Variants in ATP8B3 observed in about 807,000 individuals in gnomAD.
ATP8B3 encodes ATPase phospholipid transporting 8B3, also known as phospholipid-transporting ATPase IK.
ATP8B3 carries 141 observed loss-of-function variants against 140.9 expected under a neutral mutation model. The ratio of observed to expected loss-of-function variants is 1.00; its 90% confidence interval spans 0.87 to 1.15. The LOEUF (loss-of-function observed/expected upper bound fraction) is 1.15, where lower values mean the gene tolerates loss of function less well. ATP8B3 is among the 50% of genes most tolerant of loss of function. ATP8B3 has a pLI of 0.00. For synonymous variants in ATP8B3, 765 were observed against 714.6 expected, an observed-to-expected ratio of 1.07 and a Z score of -1.13; for missense variants, 1,874 against 1,740.6, an observed-to-expected ratio of 1.08 and a Z score of -1.36.
At chr19:1,796,359 C>T (rs915497902) in intron 16 of ATP8B3, 94 bp from the exon 17 acceptor site, 1 of 1,217,330 alleles carries the variant, frequency 8.2e-7, no homozygotes, top group Non-Finnish European at 1.1e-6. Flanking sequence ...TGGGCTACAC[C>T]TTTATTGATG....
intron 20 of ATP8B3, among the ~76,000 whole-genome samples, chr19:1,791,393 T>G (rs8112790): frequency 0.072 from 10,768 of 149,908 alleles, 1,040 homozygotes; most frequent in African/African-American, 0.22. Flanking sequence ...TGCAGCATTT[T>G]TTTTTTTTTT....
chr19:1,790,907 CG>C (rs749913898), intron 20 of ATP8B3, 75 bp from the exon 21 acceptor site: 1 of 1,366,906 alleles, frequency 7.3e-7, no homozygotes. Context: ...CCACTCTGCC[CG>C]GTGAATCCTG....
intron 23 of ATP8B3, 81 bp from the exon 24 acceptor site, chr19:1,789,201 C>G: frequency 1.2e-6 from 1 of 810,364 alleles, no homozygotes; most frequent in African/African-American, 2.1e-5. Flanking sequence ...CTGTTCTGCC[C>G]CCTATCAGCC....
At position 1,800,208 on chromosome 19, in the gene ATP8B3, A is replaced by C. The variant is rs929038544; in HGVS notation, c.1343+51T>G. ...GCCCCGCCTGCTGTGTGCCATCCCC[A>C]TGCCTCCCCGTTCCGCGTTTGCACC... On this transcript the variant is annotated intron_variant, in intron 13 of 28. Transcript: ENST00000310127. The surrounding 1 kb of genome is among the most constrained non-coding windows in gnomAD (Gnocchi z 4.4). The C allele has an allele frequency of 3.1e-6, 5 of 1,595,036 alleles. No individual in the cohort carries two copies. The Admixed American group carries it at 8.7e-5, about 28-fold the overall frequency.
chr19:1,796,629 G>T (rs1043921140), intron 16 of ATP8B3, 82 bp downstream of exon 16: 2 of 1,499,644 alleles, frequency 1.3e-6, no homozygotes, highest in African/African-American at 1.4e-5. Flanking sequence ...TGGAAGATGG[G>T]CCGGGTGAGC....
At chr19:1,795,643 G>A (rs1410144723) in intron 18 of ATP8B3, among the ~76,000 whole-genome samples, 1 of 152,060 alleles carries the variant, frequency 6.6e-6, no homozygotes, top group Non-Finnish European at 1.5e-5. Context: ...CCCAGCCGGT[G>A]TGTGTGTGTT....
At chr19:1,803,363 C>G (rs575689947) in intron 10 of ATP8B3, among the ~76,000 whole-genome samples, 20 of 152,304 alleles carry the variant, frequency 1.3e-4, no homozygotes, top group African/African-American at 4.8e-4. Flanking sequence ...ATCCTGGATG[C>G]AGGAATTGGA....
intron 17 of ATP8B3, 38 bp downstream of exon 17, chr19:1,796,039 C>T: frequency 6.2e-7 from 1 of 1,611,476 alleles, no homozygotes; most frequent in African/African-American, 1.3e-5. Context: ...CTGCCCGCCC[C>T]ACCTTGGGGG....
chr19:1,810,641 T>C lies in ATP8B3; in HGVS notation c.291A>G (p.Gln97=), dbSNP rs766164265. Residue 97 remains glutamine (Q), a synonymous_variant, in exon 3 of 29, where the codon CAA becomes CAG. Coordinates refer to ENST00000310127, the MANE Select transcript of ATP8B3 (RefSeq NM_138813.4). ...MGSLGQREDL[Q]DEDRNSAFTW... is the part of the protein sequence containing the mutation. Reference sequence around the variant, plus strand: ...CAGCACCTGAGTTCCTGTCCTCATCTTGGAGATCTTCTCTCTGGCCGAGGC... The same window carrying C: ...CAGCACCTGAGTTCCTGTCCTCATCCTGGAGATCTTCTCTCTGGCCGAGGC... 6.2e-6 allele frequency: 10 copies of C among 1,613,008 alleles called. No individual in the cohort carries two copies. The African/African-American group carries it at 1.2e-4, about 19-fold the overall frequency.
chr19:1,807,656 G>A lies in ATP8B3; in HGVS notation c.517-390C>T, dbSNP rs1383052168. Among the ~76,000 whole-genome samples the A allele has an allele frequency of 1.3e-5, 2 of 152,090 alleles. No homozygotes were observed. Among genetic ancestry groups the A allele is most frequent in the Admixed American group, 1.3e-4 (2 of 15,256 alleles). The stretch of plus-strand genomic sequence containing the variant: ...TCCCCTACCCTGGCACCCGGCCAGC[G>A]GCCTGCACACAGTAGGTACTCCATT... On this transcript the variant is annotated intron_variant, in intron 5 of 28. Transcript: ENST00000310127. This position sits in a 1 kb window ranked among gnomAD's most constrained non-coding sequence, Gnocchi z 5.9.
intron 14 of ATP8B3, among the ~76,000 whole-genome samples, chr19:1,798,533 T>C (rs1262832665): frequency 6.6e-6 from 1 of 151,114 alleles, no homozygotes; most frequent in African/African-American, 2.4e-5. Flanking sequence ...GGTCAGGAGA[T>C]CGAGACCATC....
chr19:1,790,941 G>A (rs2068489392), intron 20 of ATP8B3, 109 bp from the exon 21 acceptor site: 1 of 892,190 alleles, frequency 1.1e-6, no homozygotes, highest in Non-Finnish European at 1.7e-6. Flanking sequence ...GCAGCCACAT[G>A]CCCCACCCCC....
intron 23 of ATP8B3, 107 bp from the exon 24 acceptor site, chr19:1,789,227 A>G (rs2068407586): frequency 6.7e-6 from 5 of 741,792 alleles, no homozygotes; most frequent in Non-Finnish European, 9.8e-6. Flanking sequence ...CATCTGCTTC[A>G]GGTCCCCCCA....
At chr19:1,809,865 A>G (rs1376697215) in intron 3 of ATP8B3, 131 bp from the exon 4 acceptor site, 1 of 788,108 alleles carries the variant, frequency 1.3e-6, no homozygotes, top group African/African-American at 1.7e-5. Context: ...CAGAGCCCGT[A>G]AACAGACAGT....
At chr19:1,789,772 G>T (rs1008119141) in intron 22 of ATP8B3, 45 bp from the exon 23 acceptor site, 2 of 1,554,756 alleles carry the variant, frequency 1.3e-6, no homozygotes, top group Non-Finnish European at 1.7e-6. Context: ...TGGCCTCCAG[G>T]CCAGACTGGA....
In ATP8B3 at chr19:1,796,244, G is replaced by T. The variant is rs778785605; in HGVS notation, c.1775C>A (p.Ala592Asp). 6.2e-7 allele frequency: 1 copy of T among 1,611,422 alleles called. No individual in the cohort carries two copies. Among genetic ancestry groups the T allele is most frequent in the African/African-American group, 1.3e-5 (1 of 75,038 alleles). Residue 592 changes from alanine to aspartate, a missense_variant, in exon 17 of 29, where the codon GCC (alanine) becomes GAC (aspartate). Coordinates refer to ENST00000310127, the MANE Select transcript of ATP8B3 (RefSeq NM_138813.4). ...GACCAGCGCCCCCTCGTCGGGGGAG[G>T]CCGCCTGGTACAACAGCTGGTCTGG... ...ERPDQLLYQA[A>D]SPDEGALVTA...
intron 24 of ATP8B3, 144 bp from the exon 25 acceptor site, chr19:1,787,330 G>A (rs977140959): frequency 4.8e-6 from 3 of 628,332 alleles, no homozygotes; most frequent in East Asian, 2.9e-5. Context: ...GGGGTGGGGT[G>A]AAGTGCGGCC....
chr19:1,801,938 C>G lies in ATP8B3; in HGVS notation c.1152+18G>C. ...CTCCTCTGTGTTCCTGGGGCAGGGGCACTTGTTGGCAGCTCACCACAACCA... is the reference window on the plus strand; with the variant it reads ...CTCCTCTGTGTTCCTGGGGCAGGGGGACTTGTTGGCAGCTCACCACAACCA... On this transcript the variant is annotated intron_variant, in intron 12 of 28. Coordinates refer to ENST00000310127, the MANE Select transcript of ATP8B3 (RefSeq NM_138813.4). 6.3e-7 allele frequency: 1 copy of G among 1,594,156 alleles called. No individual in the cohort carries two copies. Among genetic ancestry groups the G allele is most frequent in the Non-Finnish European group, 8.6e-7 (1 of 1,163,078 alleles).
At chr19:1,809,189 A>G (rs1204804999) in intron 4 of ATP8B3, among the ~76,000 whole-genome samples, 1 of 149,684 alleles carries the variant, frequency 6.7e-6, no homozygotes, top group African/African-American at 2.5e-5. Flanking sequence ...AAAACAGAAA[A>G]AAGAAAAAAG....
Sources: gnomAD v4.1 joint callset for allele counts (sites outside exome capture counted in the v4.1 genomes callset) on GRCh38, gnomAD v4.1.1 for gene constraint, Gnocchi (gnomAD v3.1) non-coding constraint, MANE v1.5 for transcripts, NCBI Gene and HGNC (gene_info 2026-07-23, HGNC 2026-07-21) for gene names.